PLCB4: variants seen among roughly 807,000 people sequenced by gnomAD.
PLCB4 encodes the protein 1-phosphatidylinositol 4,5-bisphosphate phosphodiesterase beta-4.
Under a neutral mutation model 178.8 loss-of-function variants are expected in PLCB4, and 77 were observed. The ratio of observed to expected loss-of-function variants is 0.43; its 90% CI spans 0.36 to 0.52. The LOEUF (loss-of-function observed/expected upper bound fraction) is 0.52. Among genes scored for constraint, PLCB4 ranks in the 20% least tolerant of loss-of-function variants. The probability of loss-of-function intolerance (pLI) is 0.00; values close to 1 mark genes in which losing one functional copy is unlikely to be tolerated. For synonymous variants in PLCB4, 496 were observed against 490.8 expected (o/e 1.01, Z -0.14); for missense variants, 1,024 against 1,453.4 (o/e 0.70, Z 4.80).
At chr20:9,366,842 C>T (rs1158902688) in intron 9 of PLCB4, among the ~76,000 whole-genome samples, 2 of 152,254 alleles carry the variant, frequency 1.3e-5, no homozygotes, top group African/African-American at 4.8e-5. Context: ...ATGTTCACTT[C>T]TCTGGACACC....
intron 3 of PLCB4, among the ~76,000 whole-genome samples, chr20:9,237,310 C>T (rs1458157074): frequency 6.6e-6 from 1 of 152,026 alleles, no homozygotes; most frequent in African/African-American, 2.4e-5. Context: ...AACCCACACC[C>T]CCATATATCC....
chr20:9,260,332 A>G (rs1201687683), intron 3 of PLCB4, among the ~76,000 whole-genome samples: 1 of 152,152 alleles, frequency 6.6e-6, no homozygotes, highest in African/African-American at 2.4e-5. Flanking sequence ...CTTAATAAAC[A>G]TAGTTATTCT....
intron 10 of PLCB4, among the ~76,000 whole-genome samples, chr20:9,371,650 T>C (rs1330627702): frequency 6.6e-6 from 1 of 152,216 alleles, no homozygotes; most frequent in East Asian, 1.9e-4. Flanking sequence ...TCACCAACAC[T>C]GCCTCAACCA....
intron 27 of PLCB4, among the ~76,000 whole-genome samples, chr20:9,421,882 T>C (rs541765836): frequency 6.6e-6 from 1 of 152,368 alleles, no homozygotes; most frequent in South Asian, 2.1e-4. Flanking sequence ...GGCATGGTCC[T>C]GTCTCTCCTG....
At chr20:9,325,146 T>C (rs2030251246) in intron 4 of PLCB4, among the ~76,000 whole-genome samples, 2 of 152,226 alleles carry the variant, frequency 1.3e-5, no homozygotes. Context: ...AACTTATCAG[T>C]TTGCGGCGGT....
intron 7 of PLCB4, among the ~76,000 whole-genome samples, chr20:9,357,424 G>T (rs1344417417): frequency 4.6e-5 from 7 of 152,138 alleles, no homozygotes; most frequent in Non-Finnish European, 8.8e-5. Flanking sequence ...TAGAACCATG[G>T]GGCTCTTCCC....
chr20:9,456,084 C>G (rs1310683228), intron 33 of PLCB4, among the ~76,000 whole-genome samples: 1 of 152,178 alleles, frequency 6.6e-6, no homozygotes, highest in Non-Finnish European at 1.5e-5. Context: ...GATCTGCCTA[C>G]CTTGGCTTCC....
intron 2 of PLCB4, among the ~76,000 whole-genome samples, chr20:9,141,542 T>C (rs2092490956): frequency 6.6e-6 from 1 of 152,134 alleles, no homozygotes; most frequent in South Asian, 2.1e-4. Flanking sequence ...ACTTTTAGAT[T>C]GAGATAAAGA....
In PLCB4 at chr20:9,152,104, G is replaced by T. The variant is rs140333558; in HGVS notation, c.-79+55762G>T. 8.0e-3 allele frequency among the ~76,000 whole-genome samples: 1,199 copies of T among 150,432 alleles called. 28 individuals are homozygous for T. The highest frequency in any genetic ancestry group is 0.017 in the Middle Eastern group (5 of 294). ...TTCCAAGCAGCTCAGCATTCAAGAG[G>T]TGACTTGGATGCTGTTAAAGGCTTT... is the stretch of plus-strand genomic sequence containing the variant. On this transcript the variant is annotated intron_variant, in intron 2 of 39. Transcript: ENST00000378473.
In PLCB4 at chr20:9,384,259, C is replaced by T; in HGVS notation, c.912C>T (p.Val304=). Residue 304 remains valine, a synonymous_variant, in exon 14 of 40, where the codon GTC becomes GTT. Transcript: ENST00000378473. ...RYLMSDENAP[V]FLDRLELYQE... ...TGATGTCAGATGAAAACGCCCCAGT[C>T]TTCCTAGATCGTTTAGAACTTTACC... The T allele has an allele frequency of 6.2e-7, 1 of 1,614,156 alleles. No individual in the cohort carries two copies. Among genetic ancestry groups the T allele is most frequent in the Admixed American group, 1.7e-5 (1 of 60,032 alleles).
intron 28 of PLCB4, among the ~76,000 whole-genome samples, chr20:9,424,920 G>A (rs6086878): frequency 0.018 from 2,720 of 152,166 alleles, 27 homozygotes; most frequent in Admixed American, 0.022. Context: ...TCTGTGGAGG[G>A]CAGATTTTCT....
intron 4 of PLCB4, among the ~76,000 whole-genome samples, chr20:9,335,244 G>A (rs561984704): frequency 1.3e-5 from 2 of 152,130 alleles, no homozygotes; most frequent in Non-Finnish European, 2.9e-5. Context: ...CATAAGACCC[G>A]CCATGGCCTT....
Position 9,170,184 on chromosome 20 carries a change from C to A in PLCB4, c.-78-47206C>A, listed in dbSNP as rs552857155. 2.9e-4 allele frequency among the ~76,000 whole-genome samples: 44 copies of A among 152,238 alleles called. No homozygotes were observed. The South Asian group carries it at 8.5e-3, about 29-fold the overall frequency. On this transcript the variant is annotated intron_variant, in intron 2 of 39. Transcript: ENST00000378473. ...TCTCCAAAGAAGGATTTACTGATTG[C>A]AAGTGATCTGTGGTTAGTTTATTTC... is the stretch of plus-strand genomic sequence containing the variant.
intron 2 of PLCB4, among the ~76,000 whole-genome samples, chr20:9,117,356 T>C (rs1176575842): frequency 6.6e-6 from 1 of 152,190 alleles, no homozygotes; most frequent in Non-Finnish European, 1.5e-5. Context: ...GCCAAATTGC[T>C]TTGTAGAAAG....
chr20:9,336,290 A>T (rs532074581), intron 4 of PLCB4, among the ~76,000 whole-genome samples: 18 of 152,188 alleles, frequency 1.2e-4, no homozygotes, highest in African/African-American at 4.3e-4. Flanking sequence ...ATTCACATGG[A>T]TTTTTCCTCT....
intron 9 of PLCB4, among the ~76,000 whole-genome samples, chr20:9,368,058 A>T (rs2035930155): frequency 6.6e-6 from 1 of 152,214 alleles, no homozygotes; most frequent in African/African-American, 2.4e-5. Context: ...GTATGTTTTA[A>T]TGGATATGAA....
intron 2 of PLCB4, among the ~76,000 whole-genome samples, chr20:9,147,069 T>A (rs781185525): frequency 2.6e-5 from 4 of 152,164 alleles, no homozygotes; most frequent in Non-Finnish European, 5.9e-5. Context: ...ATAAAAGACG[T>A]GGCCTGATTG....
At chr20:9,429,285 T>C (rs1382979194) in intron 28 of PLCB4, among the ~76,000 whole-genome samples, 2 of 152,078 alleles carry the variant, frequency 1.3e-5, no homozygotes, top group African/African-American at 2.4e-5. Context: ...AGATGTACAA[T>C]GTGGCTCCCC....
chr20:9,109,623 G>C (rs2091502633), intron 2 of PLCB4, among the ~76,000 whole-genome samples: 1 of 152,198 alleles, frequency 6.6e-6, no homozygotes, highest in East Asian at 1.9e-4. Context: ...ATAACAGGAG[G>C]ATTTTTGTTT....
Sources: gnomAD v4.1 joint callset for allele counts (sites outside exome capture counted in the v4.1 genomes callset) on GRCh38, gnomAD v4.1.1 for gene constraint, MANE v1.5 for transcripts, NCBI Gene and HGNC (gene_info 2026-07-23, HGNC 2026-07-21) for gene names.